TPRA1: variants seen among roughly 807,000 people sequenced by gnomAD.
The protein encoded by TPRA1 is transmembrane protein adipocyte associated 1, also known as transmembrane protein adipocyte-associated 1.
TPRA1 carries 28 observed loss-of-function variants against 40.1 expected under a neutral mutation model. The observed-to-expected ratio is 0.70, with a 90% CI of 0.52 to 0.96. The LOEUF (loss-of-function observed/expected upper bound fraction) is 0.96, where lower values mean the gene tolerates loss of function less well. Among genes scored for constraint, TPRA1 ranks in the 40% least tolerant of loss-of-function variants. The pLI is 0.00. For synonymous variants in TPRA1, 219 were observed against 209.7 expected (o/e 1.04, Z -0.38); for missense variants, 441 against 482.6 (o/e 0.91, Z 0.81).
At chr3:127,593,092 G>A (rs1472194555), upstream of TPRA1, among the ~76,000 whole-genome samples, 2 of 152,212 alleles carry the variant, frequency 1.3e-5, no homozygotes, top group East Asian at 1.9e-4. Context: ...CCATATCTAA[G>A]TTTCTGTGGG....
chr3:127,575,736 G>C lies in TPRA1; in HGVS notation c.670+13C>G, dbSNP rs754422771. ...ATCCCCGCCTGTCCCAGAGCCGCCG[G>C]CCAGCTGCTCACAAGGCAGGGAGAT... On this transcript the variant is annotated intron_variant, in intron 8 of 10. Transcript: ENST00000355552. The C allele has an allele frequency of 2.5e-6, 4 of 1,613,094 alleles. No individual in the cohort carries two copies. The African/African-American group carries it at 5.3e-5, about 22-fold the overall frequency.
intron 2 of TPRA1, 28 bp from the exon 3 acceptor site, chr3:127,579,900 A>G (rs2073773841): frequency 6.2e-7 from 1 of 1,612,116 alleles, no homozygotes; most frequent in African/African-American, 1.3e-5. Flanking sequence ...GAGCTGGCTC[A>G]CTGGCGAGGC....
intron 1 of TPRA1, among the ~76,000 whole-genome samples, chr3:127,590,173 G>A (rs554051350): frequency 3.5e-4 from 53 of 152,220 alleles, no homozygotes; most frequent in Non-Finnish European, 5.6e-4. Flanking sequence ...GCTCCCTCCC[G>A]GGCCTCGCGT....
In TPRA1 at chr3:127,574,920, GTT is replaced by G. The variant is rs1006617725; in HGVS notation, c.854+263_854+264del. 7.5e-6 allele frequency: 4 copies of G among 536,808 alleles called. No individual in the cohort carries two copies. The Admixed American group carries it at 1.4e-4, about 18-fold the overall frequency. The allele number at this position is 536,808 out of a possible 1,614,324, so 33.3% of individuals were successfully genotyped here. On this transcript the variant is annotated intron_variant, in intron 10 of 10. Coordinates refer to ENST00000355552, the MANE Select transcript of TPRA1 (RefSeq NM_001136053.4). ...TGCCCGTGTGTATCCGTATGTGCGT[GTT>G]TGTGTGTGCATGTGCATGTGTGCAT...
chr3:127,584,570 C>T (rs1253168671), intron 1 of TPRA1, among the ~76,000 whole-genome samples: 4 of 151,258 alleles, frequency 2.6e-5, no homozygotes, highest in African/African-American at 4.9e-5. Context: ...GCTGGGTTCC[C>T]CCAACATCTA....
chr3:127,577,935 T>C (rs1368539919), intron 3 of TPRA1, among the ~76,000 whole-genome samples: 1 of 152,084 alleles, frequency 6.6e-6, no homozygotes, highest in Non-Finnish European at 1.5e-5. Flanking sequence ...ACGGACAGCA[T>C]GCAAGCCTGG....
At chr3:127,587,680 T>C (rs796822723) in intron 1 of TPRA1, among the ~76,000 whole-genome samples, 5 of 150,558 alleles carry the variant, frequency 3.3e-5, no homozygotes, top group African/African-American at 4.9e-5. Context: ...CTTTTCTTTT[T>C]TTTTTTTTTT....
rs1420269155 is a variant in TPRA1 at position 127,573,245 on chromosome 3, A to G, written c.*276T>C. On this transcript the variant is annotated 3_prime_UTR_variant, in exon 11 of 11. Transcript: ENST00000355552. ...GCAGAGAAGGAGGGTGCCCTCAGCC[A>G]ACCTTGCCAAGCATGGCCCTGGAAG... 2.6e-6 allele frequency: 1 copy of G among 389,944 alleles called. No homozygotes were observed. The highest frequency in any genetic ancestry group is 4.6e-6 in the Non-Finnish European group (1 of 216,204). The allele number at this position is 389,944 out of a possible 1,614,324, so 24.2% of individuals were successfully genotyped here.
At chr3:127,577,482 G>T (rs1576371931) in intron 3 of TPRA1, among the ~76,000 whole-genome samples, 1 of 152,206 alleles carries the variant, frequency 6.6e-6, no homozygotes, top group East Asian at 1.9e-4. Context: ...GTGTTTGATT[G>T]TTGGGTCAAA....
At chr3:127,586,074 T>C (rs891945617) in intron 1 of TPRA1, among the ~76,000 whole-genome samples, 1 of 152,186 alleles carries the variant, frequency 6.6e-6, no homozygotes, top group Non-Finnish European at 1.5e-5. Flanking sequence ...CTTCTGCTCC[T>C]GGCCAGCAGT....
At chr3:127,591,986 T>G (rs2074178110), upstream of TPRA1, 1 of 152,244 alleles carries the variant, frequency 6.6e-6, no homozygotes, top group Non-Finnish European at 1.5e-5. Context: ...GAAACCACCT[T>G]GTGATCCTCT....
At chr3:127,589,264 C>T (rs961526870) in intron 1 of TPRA1, among the ~76,000 whole-genome samples, 2 of 152,040 alleles carry the variant, frequency 1.3e-5, no homozygotes, top group Non-Finnish European at 2.9e-5. Context: ...CTTCTCTCTC[C>T]TCTCTGGGAC....
At chr3:127,592,803 G>T (rs937709769), upstream of TPRA1, among the ~76,000 whole-genome samples, 4 of 152,260 alleles carry the variant, frequency 2.6e-5, no homozygotes, top group Non-Finnish European at 4.4e-5. Context: ...AAGTGTCCTA[G>T]TCTGACGTAA....
intron 10 of TPRA1, among the ~76,000 whole-genome samples, chr3:127,574,494 A>G (rs1218637202): frequency 6.6e-6 from 1 of 152,082 alleles, no homozygotes; most frequent in African/African-American, 2.4e-5. Flanking sequence ...ACAGCAGTGT[A>G]CTCACCCCCA....
At chr3:127,591,690 G>T (rs1668456995), upstream of TPRA1, among the ~76,000 whole-genome samples, 1 of 152,086 alleles carries the variant, frequency 6.6e-6, no homozygotes, top group African/African-American at 2.4e-5. Flanking sequence ...TTCCTTCCGA[G>T]CATCTTAATT....
Position 127,576,592 on chromosome 3 carries a change from C to A in TPRA1, c.498+25G>T. 6.4e-7 allele frequency: 1 copy of A among 1,563,954 alleles called. No individual in the cohort carries two copies. The highest frequency in any genetic ancestry group is 8.7e-7 in the Non-Finnish European group (1 of 1,151,682). ...TGCCTGGTGCCCTGACTCCTAGCGT[C>A]CCCTGCCCACACTCACCCTCTTACC... On this transcript the variant is annotated intron_variant, in intron 6 of 10. Coordinates refer to ENST00000355552, the MANE Select transcript of TPRA1 (RefSeq NM_001136053.4). The surrounding 1 kb of genome is among the most constrained non-coding windows in gnomAD (Gnocchi z 4.6).
At chr3:127,580,588 G>A (rs1220133459) in intron 1 of TPRA1, among the ~76,000 whole-genome samples, 3 of 152,234 alleles carry the variant, frequency 2.0e-5, no homozygotes, top group Non-Finnish European at 2.9e-5. Flanking sequence ...AACAAGTGAG[G>A]CTGTGGTGAT....
intron 3 of TPRA1, 134 bp from the exon 4 acceptor site, chr3:127,577,210 TG>T: frequency 1.2e-6 from 1 of 844,092 alleles, no homozygotes; most frequent in South Asian, 1.6e-5. Context: ...AAAGTCAGGG[TG>T]GGACACAGGG....
chr3:127,590,117 C>T (rs1467661210), intron 1 of TPRA1, among the ~76,000 whole-genome samples: 3 of 152,180 alleles, frequency 2.0e-5, no homozygotes, highest in Non-Finnish European at 4.4e-5. Context: ...CGGATCTCCA[C>T]CCGCACTGCC....
Sources: gnomAD v4.1 joint callset for allele counts (sites outside exome capture counted in the v4.1 genomes callset) on GRCh38, gnomAD v4.1.1 for gene constraint, Gnocchi (gnomAD v3.1) non-coding constraint, MANE v1.5 for transcripts, NCBI Gene and HGNC (gene_info 2026-07-23, HGNC 2026-07-21) for gene names.